Variants in ALS2 observed in about 807,000 individuals in gnomAD.
ALS2 encodes the protein alsin.
A neutral mutation model predicts 203.4 loss-of-function variants in ALS2; 117 were observed. The ratio of observed to expected loss-of-function variants is 0.58; its 90% CI spans 0.50 to 0.67. The LOEUF is 0.67. ALS2 is among the 30% of genes least tolerant of loss of function. ALS2 has a pLI of 0.00. For missense variants in ALS2, 1,715 were observed against 1,989.4 expected, an observed-to-expected ratio of 0.86 and a Z score of 2.62; for synonymous variants, 718 against 725.9, an observed-to-expected ratio of 0.99 and a Z score of 0.17.
rs1244485170 is a variant in ALS2, at chr2:201,728,776, T to C, written c.2713-136A>G. On this transcript the variant is annotated intron_variant, in intron 14 of 33. Coordinates refer to ENST00000264276, the MANE Select transcript of ALS2 (RefSeq NM_020919.4). Reference sequence around the variant, plus strand: ...CTTAGCTTGGTGTAAAATCTAAATTTATATGGGATCTAAACACTTCACAAA... The same window carrying C: ...CTTAGCTTGGTGTAAAATCTAAATTCATATGGGATCTAAACACTTCACAAA... 5 of 1,132,944 alleles carry C rather than the reference T, an allele frequency of 4.4e-6. No individual in the cohort carries two copies. The East Asian group carries it at 1.3e-4, about 29-fold the overall frequency. The allele number at this position is 1,132,944 out of a possible 1,614,324, so 70.2% of individuals were successfully genotyped here. A position where few individuals can be genotyped will look rare whatever the true frequency, so the allele number is the denominator to read the frequency against.
In ALS2 at chr2:201,741,857, A is replaced by C; in HGVS notation, c.2171-3T>G. 1 of 1,609,576 alleles carries C rather than the reference A, an allele frequency of 6.2e-7. No homozygotes were observed. Among genetic ancestry groups the C allele is most frequent in the South Asian group, 1.1e-5 (1 of 90,766 alleles). ...TGTAGTTGTAGTGCCCAAATTTTCTATAACAAAATAATGATGATGATGACA... is the reference window on the plus strand; with the variant it reads ...TGTAGTTGTAGTGCCCAAATTTTCTCTAACAAAATAATGATGATGATGACA... On this transcript the variant is annotated splice_polypyrimidine_tract_variant and splice_region_variant and intron_variant, in intron 10 of 33. Coordinates refer to ENST00000264276, the MANE Select transcript of ALS2 (RefSeq NM_020919.4).
Position 201,741,812 on chromosome 2 carries a change from ACCT to A in ALS2, c.2210_2212del (p.Glu737del). On this transcript the variant is annotated inframe_deletion, in exon 11 of 34. Coordinates refer to ENST00000264276, the MANE Select transcript of ALS2 (RefSeq NM_020919.4). Reference sequence around the variant, plus strand: ...ACACAGCTTGCTGAATCGGCTAGCCACCTCCTGCAACAGCTGGACTGTAGTTGT... The same window carrying A: ...ACACAGCTTGCTGAATCGGCTAGCCACCTGCAACAGCTGGACTGTAGTTGT... 1 of 1,614,068 alleles carries A rather than the reference ACCT, an allele frequency of 6.2e-7. No homozygotes were observed. The highest frequency in any genetic ancestry group is 8.5e-7 in the Non-Finnish European group (1 of 1,179,986).
chr2:201,705,887 T>C (rs1247529482), intron 29 of ALS2, among the ~76,000 whole-genome samples: 2 of 151,034 alleles, frequency 1.3e-5, no homozygotes, highest in African/African-American at 4.9e-5. Flanking sequence ...AGGTGGAGGT[T>C]GCAGCTAGCC....
intron 3 of ALS2, chr2:201,763,375 G>T: frequency 4.9e-6 from 1 of 204,074 alleles, no homozygotes; most frequent in East Asian, 1.1e-4. Context: ...CCTCAGCCAG[G>T]GGCTGCACTG....
In ALS2 at chr2:201,715,842, A is replaced by G; in HGVS notation, c.3837-3T>C. 3 of 1,614,182 alleles carry G rather than the reference A, an allele frequency of 1.9e-6. No individual in the cohort carries two copies. The South Asian group carries it at 3.3e-5, about 18-fold the overall frequency. ...CTGCCAGGTTTCCTAGCTTCCTGCT[A>G]ATAAAGTCATATCAACCTTTTATTA... On this transcript the variant is annotated splice_polypyrimidine_tract_variant and splice_region_variant and intron_variant, in intron 24 of 33. Transcript: ENST00000264276.
intron 18 of ALS2, 48 bp from the exon 19 acceptor site, chr2:201,726,597 T>C: frequency 6.2e-7 from 1 of 1,609,394 alleles, no homozygotes; most frequent in Middle Eastern, 1.7e-4. Context: ...ATATTTCAGA[T>C]AATTAATACT....
At chr2:201,760,503 G>A (rs1693695416) in intron 4 of ALS2, 4 of 1,015,244 alleles carry the variant, frequency 3.9e-6, no homozygotes, top group Non-Finnish European at 3.5e-6. Flanking sequence ...ACAGAATTCT[G>A]AAGAGTGTTA....
At position 201,761,440 on chromosome 2, in the gene ALS2, G is replaced by A. The variant is rs1339413689; in HGVS notation, c.554C>T (p.Thr185Ile). The change falls in exon 4 of 34, where the codon ACT becomes ATT. Residue 185 changes from threonine to isoleucine, a missense_variant. Transcript: ENST00000264276. ...TTGCGGCTTTGTCACTGGGAAGGCA[G>A]TGGTAATGAGACCCAACTGACAACC... ...GTGCQLGLIT[T>I]AFPVTKPQKV... is the part of the protein sequence containing the mutation. The A allele has an allele frequency of 1.2e-6, 2 of 1,607,518 alleles. No individual in the cohort carries two copies. The highest frequency in any genetic ancestry group is 1.7e-6 in the Non-Finnish European group (2 of 1,175,028).
chr2:201,773,744 G>A (rs2106113956), intron 1 of ALS2, among the ~76,000 whole-genome samples: 1 of 152,290 alleles, frequency 6.6e-6, no homozygotes, highest in East Asian at 1.9e-4. Flanking sequence ...AAAGAGAAAG[G>A]AAAGCGCAGT....
rs750482532 is a variant in ALS2 at position 201,757,622 on chromosome 2, T to C, written c.1251A>G (p.Ser417=). The stretch of plus-strand genomic sequence containing the variant: ...TATAAAAGTTCATAACTTTCTTCAG[T>C]GACAAGGCACCAGCTTCATAAGTAG... ...VAATYEAGAL[S]LKKVMNFYST... is the part of the protein sequence containing the mutation. The change falls in exon 5 of 34, where the codon TCA becomes TCG. Residue 417 remains serine (S), a synonymous_variant. Coordinates refer to ENST00000264276, the MANE Select transcript of ALS2 (RefSeq NM_020919.4). 8.7e-6 allele frequency: 14 copies of C among 1,614,198 alleles called. No homozygotes were observed. The South Asian group carries it at 1.5e-4, about 18-fold the overall frequency.
At chr2:201,772,850 A>ATTTTTTTTTTTTTTTTTTTT (rs578253808) in intron 1 of ALS2, among the ~76,000 whole-genome samples, 1 of 108,826 alleles carries the variant, frequency 9.2e-6, no homozygotes. Context: ...TGCTTTCATG[A>ATTTTTTTTTTTTTTTTTTTT]TTTTTTTTTT....
chr2:201,713,133 C>CTTTTCTTTTTTTTTTTTTTTT (rs1279654897), intron 25 of ALS2, among the ~76,000 whole-genome samples: 1 of 96,256 alleles, frequency 1.0e-5, no homozygotes, highest in African/African-American at 3.9e-5. Context: ...CTTTTCTTTT[C>CTTTTCTTTTTTTTTTTTTTTT]TTTTTTTTTT....
rs150130507 is a variant in ALS2 at position 201,745,954 on chromosome 2, A to G, written c.1998+612T>C. ...ACAGAGCAAGACTCAGTCTCAAAAA[A>G]ATAAATTAATTAATTTAATTAAATT... is the stretch of plus-strand genomic sequence containing the variant. On this transcript the variant is annotated intron_variant, in intron 9 of 33. Coordinates refer to ENST00000264276, the MANE Select transcript of ALS2 (RefSeq NM_020919.4). Among the ~76,000 whole-genome samples the G allele has an allele frequency of 2.5e-4, 38 of 152,286 alleles. 1 individual carries two copies. The East Asian group carries it at 6.7e-3, about 27-fold the overall frequency.
rs1326361264 is a variant in ALS2, at chr2:201,706,910, C to G, written c.4516G>C (p.Glu1506Gln). The change falls in exon 29 of 34, where the codon GAA becomes CAA. Residue 1506 changes from glutamate to glutamine, a missense_variant. Glu to Gln is a conservative substitution (Grantham distance 29). This residue lies in a region of ALS2 where 1,227 missense variants were observed against 1,413.5 expected (regional missense o/e 0.87). Coordinates refer to ENST00000264276, the MANE Select transcript of ALS2 (RefSeq NM_020919.4). ...DNDREEDIYWECVLRLNKQPD... is the reference protein window; with the variant it reads ...DNDREEDIYWQCVLRLNKQPD... ...TGCTTATTTAGTCGAAGGACACATT[C>G]CCAGTAAATGTCTTCCTCGCGATCA... 1 of 1,614,080 alleles carries G rather than the reference C, an allele frequency of 6.2e-7. No homozygotes were observed. The highest frequency in any genetic ancestry group is 8.5e-7 in the Non-Finnish European group (1 of 1,179,984).
intron 3 of ALS2, among the ~76,000 whole-genome samples, chr2:201,766,291 A>G (rs886616104): frequency 6.6e-6 from 1 of 152,238 alleles, no homozygotes; most frequent in African/African-American, 2.4e-5. Flanking sequence ...TTTAAATTTA[A>G]GAACTAATCT....
intron 1 of ALS2, chr2:201,778,597 T>A (rs552670480): frequency 6.6e-6 from 1 of 152,094 alleles, no homozygotes; most frequent in Non-Finnish European, 1.5e-5. Context: ...TATTGATGAC[T>A]ACCTAACATT....
At chr2:201,717,834 G>A (rs1030482162) in intron 24 of ALS2, among the ~76,000 whole-genome samples, 6 of 151,888 alleles carry the variant, frequency 4.0e-5, no homozygotes, top group Admixed American at 3.3e-4. Flanking sequence ...CAGCTACTAG[G>A]GAAGCTGATG....
intron 1 of ALS2, among the ~76,000 whole-genome samples, chr2:201,773,090 G>C (rs1163045078): frequency 6.6e-6 from 1 of 152,082 alleles, no homozygotes; most frequent in Admixed American, 6.6e-5. Flanking sequence ...TTGAAATCCT[G>C]ACCTTGTGAC....
chr2:201,714,926 G>A (rs567190286), intron 25 of ALS2, among the ~76,000 whole-genome samples: 57 of 152,256 alleles, frequency 3.7e-4, no homozygotes, highest in African/African-American at 1.3e-3. Context: ...TTTCTGGTTC[G>A]CAGGCACCCC....
Sources: gnomAD v4.1 joint callset for allele counts (sites outside exome capture counted in the v4.1 genomes callset) on GRCh38, gnomAD v4.1.1 for gene constraint, gnomAD v4.1.1 regional missense constraint, MANE v1.5 for transcripts, NCBI Gene and HGNC (gene_info 2026-07-23, HGNC 2026-07-21) for gene names.